PCBD2: variants seen among roughly 807,000 people sequenced by gnomAD.
PCBD2 encodes the protein pterin-4 alpha-carbinolamine dehydratase 2, also known as pterin-4-alpha-carbinolamine dehydratase 2.
Under a neutral mutation model 16.4 loss-of-function variants are expected in PCBD2, and 12 were observed. That is an observed-to-expected ratio of 0.73 (90% CI 0.47 to 1.19). The LOEUF (loss-of-function observed/expected upper bound fraction) is 1.19, where lower values mean the gene tolerates loss of function less well. Ranked by LOEUF, PCBD2 falls within the 50% of genes most tolerant of loss-of-function variation. The pLI is 0.00. For missense variants in PCBD2, 138 were observed against 156.8 expected, an observed-to-expected ratio of 0.88 and a Z score of 0.64; for synonymous variants, 58 against 61.8, an observed-to-expected ratio of 0.94 and a Z score of 0.29.
At chr5:134,958,898 G>T in intron 2 of PCBD2, 142 bp from the exon 3 acceptor site, 1 of 628,950 alleles carries the variant, frequency 1.6e-6, no homozygotes, top group Non-Finnish European at 2.8e-6. Flanking sequence ...GGCCTGCAGA[G>T]AGCAGTCCTT....
intron 2 of PCBD2, among the ~76,000 whole-genome samples, chr5:134,951,199 C>T (rs538075159): frequency 1.5e-4 from 23 of 152,316 alleles, no homozygotes; most frequent in Non-Finnish European, 2.9e-5. Flanking sequence ...TCCCATCATT[C>T]TTGTATATCC....
chr5:134,937,341 A>G (rs1461682537), intron 2 of PCBD2, among the ~76,000 whole-genome samples: 3 of 152,194 alleles, frequency 2.0e-5, no homozygotes, highest in African/African-American at 7.2e-5. Context: ...TTTAAAATAC[A>G]TGCAACTTTT....
At chr5:134,937,980 G>A (rs1483141406) in intron 2 of PCBD2, among the ~76,000 whole-genome samples, 1 of 152,124 alleles carries the variant, frequency 6.6e-6, no homozygotes, top group African/African-American at 2.4e-5. Flanking sequence ...AGGAAACTGT[G>A]TCTTGAAATT....
At chr5:134,924,780 C>T (rs879000473) in intron 2 of PCBD2, 1 of 393,934 alleles carries the variant, frequency 2.5e-6, no homozygotes, top group Admixed American at 4.4e-5. Context: ...TAGGTAGTAG[C>T]TTTTCTAGTC....
In PCBD2 at chr5:134,927,341, A is replaced by G. The variant is rs5000951; in HGVS notation, c.216+16875A>G. ...AGCCGCCTAATTTTAAGAGTACTGCAGCAAGTACTATTGACCCAGCGATGG... is the reference window on the plus strand; with the variant it reads ...AGCCGCCTAATTTTAAGAGTACTGCGGCAAGTACTATTGACCCAGCGATGG... On this transcript the variant is annotated intron_variant, in intron 2 of 3. Transcript: ENST00000254908. 1.2e-4 allele frequency: 46 copies of G among 398,484 alleles called. No homozygotes were observed. In the South Asian group the frequency reaches 3.2e-3, roughly 28 times the overall value. 24.7% of individuals were successfully genotyped at this position (398,484 alleles called of 1,614,324 possible). A position where few individuals can be genotyped will look rare whatever the true frequency, so the allele number is the denominator to read the frequency against.
At position 134,907,976 on chromosome 5, in the gene PCBD2, C is replaced by T. The variant is rs76607123; in HGVS notation, c.85-2359C>T. On this transcript the variant is annotated intron_variant, in intron 1 of 3. Transcript: ENST00000254908. ...TCACTCTGTTGCCCAGGCTGGAATGCAGTGGTGATCATAGCTCACTGCAGC... is the reference window on the plus strand; with the variant it reads ...TCACTCTGTTGCCCAGGCTGGAATGTAGTGGTGATCATAGCTCACTGCAGC... 1.0e-2 allele frequency among the ~76,000 whole-genome samples: 1,508 copies of T among 150,858 alleles called. 22 individuals carry two copies. Among genetic ancestry groups the T allele is most frequent in the African/African-American group, 0.036 (1,456 of 40,928 alleles).
At chr5:134,957,686 C>G (rs572488951) in intron 2 of PCBD2, among the ~76,000 whole-genome samples, 1 of 152,292 alleles carries the variant, frequency 6.6e-6, no homozygotes, top group East Asian at 1.9e-4. Flanking sequence ...TAGTGAGACC[C>G]TGTCTCTATA....
intron 2 of PCBD2, among the ~76,000 whole-genome samples, chr5:134,919,797 T>C (rs920130535): frequency 6.6e-6 from 1 of 152,222 alleles, no homozygotes; most frequent in Admixed American, 6.5e-5. Flanking sequence ...TTCTGTTCTG[T>C]TTCTGTTTTT....
chr5:134,944,122 A>G (rs1308164466), intron 2 of PCBD2, among the ~76,000 whole-genome samples: 1 of 152,180 alleles, frequency 6.6e-6, no homozygotes, highest in Non-Finnish European at 1.5e-5. Flanking sequence ...TTTTCAGTGA[A>G]TTGTTATCTG....
chr5:134,939,559 C>T (rs1015111387), intron 2 of PCBD2, among the ~76,000 whole-genome samples: 1 of 152,046 alleles, frequency 6.6e-6, no homozygotes, highest in Non-Finnish European at 1.5e-5. Flanking sequence ...GTAGCATCTA[C>T]CATGTACAGA....
intron 2 of PCBD2, chr5:134,927,320 G>A: frequency 1.0e-5 from 4 of 398,448 alleles, no homozygotes; most frequent in East Asian, 7.1e-5. Context: ...TACCATAGCC[G>A]CCTAATTTTA....
chr5:134,959,135 T>C lies in PCBD2; in HGVS notation c.297+15T>C, dbSNP rs1580896390. 6.3e-7 allele frequency: 1 copy of C among 1,579,188 alleles called. No homozygotes were observed. Among genetic ancestry groups the C allele is most frequent in the African/African-American group, 1.3e-5 (1 of 74,114 alleles). ...TATACAACAAGGTAACTAAACTGCCTTATTTGGGAATCACCTTAATTATGG... is the reference window on the plus strand; with the variant it reads ...TATACAACAAGGTAACTAAACTGCCCTATTTGGGAATCACCTTAATTATGG... On this transcript the variant is annotated intron_variant, in intron 3 of 3. Transcript: ENST00000254908.
intron 2 of PCBD2, among the ~76,000 whole-genome samples, chr5:134,957,999 G>A (rs1462829759): frequency 6.6e-6 from 1 of 152,176 alleles, no homozygotes; most frequent in Non-Finnish European, 1.5e-5. Context: ...TACACACTTA[G>A]GTCATTTGGT....
chr5:134,957,913 G>C (rs971596705), intron 2 of PCBD2, among the ~76,000 whole-genome samples: 1 of 152,184 alleles, frequency 6.6e-6, no homozygotes, highest in African/African-American at 2.4e-5. Context: ...AATTGGCTCC[G>C]AGAGAGGTAC....
intron 2 of PCBD2, chr5:134,926,185 A>G: frequency 3.2e-6 from 1 of 317,424 alleles, no homozygotes; most frequent in Admixed American, 4.9e-5. Context: ...GAACAGTGCT[A>G]CAGGGATAAA....
intron 1 of PCBD2, among the ~76,000 whole-genome samples, chr5:134,906,995 G>A: frequency 6.6e-6 from 1 of 152,228 alleles, no homozygotes; most frequent in East Asian, 1.9e-4. Flanking sequence ...AGTCCTGGGT[G>A]TGGTCCCTGC....
chr5:134,930,857 A>G (rs73790736), intron 2 of PCBD2, among the ~76,000 whole-genome samples: 1,973 of 151,922 alleles, frequency 0.013, 35 homozygotes, highest in African/African-American at 0.045. Context: ...TTTAATCTCA[A>G]ATTCTTTCTT....
At chr5:134,920,909 G>A (rs563469811) in intron 2 of PCBD2, among the ~76,000 whole-genome samples, 16 of 152,360 alleles carry the variant, frequency 1.1e-4, no homozygotes, top group Middle Eastern at 3.4e-3. Context: ...CAAGTGATCC[G>A]CCCGCCTTGG....
At chr5:134,924,252 C>A (rs878989534) in intron 2 of PCBD2, 1 of 393,892 alleles carries the variant, frequency 2.5e-6, no homozygotes, top group African/African-American at 2.1e-5. Context: ...TGTTATTATT[C>A]TGAATTACGG....
Sources: allele counts gnomAD v4.1 joint callset (sites outside exome capture counted in the v4.1 genomes callset), GRCh38; gene constraint gnomAD v4.1.1; transcripts MANE v1.5; gene names NCBI Gene and HGNC (gene_info 2026-07-23, HGNC 2026-07-21).